TASP1: variants seen among roughly 807,000 people sequenced by gnomAD.
The protein encoded by TASP1 is taspase 1.
TASP1 carries 16 observed loss-of-function variants against 56.6 expected under a neutral mutation model. The ratio of observed to expected loss-of-function variants is 0.28; its 90% CI spans 0.19 to 0.43. TASP1 has a LOEUF of 0.43. TASP1 is among the 20% of genes least tolerant of loss of function. TASP1 has a pLI of 1.00. For missense variants in TASP1, 393 were observed against 511.6 expected, an observed-to-expected ratio of 0.77 and a Z score of 2.24; for synonymous variants, 179 against 184.2, an observed-to-expected ratio of 0.97 and a Z score of 0.23.
At chr20:13,220,227 T>C in the TASP1 span, among the ~76,000 whole-genome samples, 1 of 152,208 alleles carries the variant, frequency 6.6e-6, no homozygotes, top group Non-Finnish European at 1.5e-5. Context: ...GAGCGTCCGC[T>C]ACTCCGAGTC....
chr20:13,472,406 T>C (rs2044541043), intron 11 of TASP1, among the ~76,000 whole-genome samples: 2 of 150,958 alleles, frequency 1.3e-5, no homozygotes, highest in Admixed American at 6.6e-5. Flanking sequence ...GGCAATACCA[T>C]TCAGGACATA....
At chr20:13,407,642 G>C (rs2041970579) in intron 13 of TASP1, among the ~76,000 whole-genome samples, 1 of 152,118 alleles carries the variant, frequency 6.6e-6, no homozygotes, top group African/African-American at 2.4e-5. Context: ...AACTTTTTGA[G>C]GAACTGCCAA....
chr20:13,165,587 G>A, the TASP1 span: 2 of 152,268 alleles, frequency 1.3e-5, no homozygotes, highest in East Asian at 1.9e-4. Context: ...ATAAGAAAAG[G>A]GGCAGAAAGC....
the TASP1 span, chr20:13,237,738 A>G: frequency 3.3e-5 from 5 of 152,358 alleles, no homozygotes; most frequent in African/African-American, 1.2e-4. Context: ...TAAAGAATGC[A>G]GCAGGCAGGG....
At chr20:13,177,057 T>C in the TASP1 span, among the ~76,000 whole-genome samples, 1 of 152,044 alleles carries the variant, frequency 6.6e-6, no homozygotes, top group Non-Finnish European at 1.5e-5. Context: ...CTGGCCAACA[T>C]GGTGAAACCC....
chr20:13,518,550 T>C (rs2044619759), intron 10 of TASP1, among the ~76,000 whole-genome samples: 1 of 152,090 alleles, frequency 6.6e-6, no homozygotes, highest in African/African-American at 2.4e-5. Context: ...TCTGCTCTTA[T>C]CAAGAATATA....
intron 10 of TASP1, among the ~76,000 whole-genome samples, chr20:13,486,909 C>T (rs1229847111): frequency 6.6e-6 from 1 of 152,128 alleles, no homozygotes; most frequent in Non-Finnish European, 1.5e-5. Flanking sequence ...AATTGTTTCT[C>T]CCTAGGATCA....
chr20:13,157,332 G>C, the TASP1 span, among the ~76,000 whole-genome samples: 1 of 152,178 alleles, frequency 6.6e-6, no homozygotes, highest in South Asian at 2.1e-4. Context: ...AGCTACTTGG[G>C]AGATTGAGGC....
chr20:13,371,573 C>A, the TASP1 span, among the ~76,000 whole-genome samples: 1 of 152,088 alleles, frequency 6.6e-6, no homozygotes, highest in African/African-American at 2.4e-5. Context: ...GCCTGACATA[C>A]AGTCTATTCT....
chr20:13,469,713 C>A (rs1276087928), intron 11 of TASP1, among the ~76,000 whole-genome samples: 1 of 139,936 alleles, frequency 7.1e-6, no homozygotes, highest in African/African-American at 2.6e-5. Flanking sequence ...CTGAAAAAAT[C>A]AAATTTAGTG....
chr20:13,251,015 T>G, the TASP1 span, among the ~76,000 whole-genome samples: 1 of 152,224 alleles, frequency 6.6e-6, no homozygotes, highest in Non-Finnish European at 1.5e-5. Flanking sequence ...ATTTTATAAC[T>G]TATGACCATT....
the TASP1 span, among the ~76,000 whole-genome samples, chr20:13,247,517 GGT>G: frequency 0.07 from 9,833 of 139,594 alleles, 358 homozygotes; most frequent in East Asian, 0.18. Flanking sequence ...CAAAGTGAGG[GGT>G]GTGTGTGTGT....
the TASP1 span, chr20:13,110,274 T>C: frequency 1.4e-6 from 2 of 1,444,218 alleles, no homozygotes; most frequent in East Asian, 2.3e-5. Context: ...AGCTGACCAG[T>C]GCGGAAAGGC....
At chr20:13,383,867 G>A in the TASP1 span, among the ~76,000 whole-genome samples, 1 of 152,200 alleles carries the variant, frequency 6.6e-6, no homozygotes, top group Non-Finnish European at 1.5e-5. Context: ...TAAGGCTTGG[G>A]GTGATTTGTT....
the TASP1 span, among the ~76,000 whole-genome samples, chr20:13,321,204 A>T: frequency 1.3e-5 from 2 of 150,058 alleles, no homozygotes; most frequent in Non-Finnish European, 3.0e-5. Flanking sequence ...CCTGTCTCCA[A>T]AACAATAAAA....
At chr20:13,168,614 C>A in the TASP1 span, 1 of 152,150 alleles carries the variant, frequency 6.6e-6, no homozygotes, top group South Asian at 2.1e-4. Context: ...GAACAATATT[C>A]TTTTGTATTT....
intron 4 of TASP1, among the ~76,000 whole-genome samples, chr20:13,604,987 CATATATAT>C (rs3042652): frequency 2.7e-4 from 38 of 140,490 alleles, no homozygotes; most frequent in African/African-American, 3.9e-4. Context: ...AGACATAATA[CATATATAT>C]ATATATATAT....
chr20:13,560,421 C>T (rs936627508), intron 7 of TASP1, among the ~76,000 whole-genome samples: 1 of 152,122 alleles, frequency 6.6e-6, no homozygotes, highest in South Asian at 2.1e-4. Flanking sequence ...GAGAGGGATA[C>T]GTCAAGCCCA....
At chr20:13,479,715 G>A (rs2043069482) in intron 11 of TASP1, among the ~76,000 whole-genome samples, 1 of 152,016 alleles carries the variant, frequency 6.6e-6, no homozygotes, top group South Asian at 2.1e-4. Context: ...GGTTGATCTC[G>A]AACTCCGTGA....
Sources: allele counts gnomAD v4.1 joint callset (sites outside exome capture counted in the v4.1 genomes callset), GRCh38; gene constraint gnomAD v4.1.1; transcripts MANE v1.5; gene names NCBI Gene and HGNC (gene_info 2026-07-23, HGNC 2026-07-21).